RAPGEFL1: variants seen among roughly 807,000 people sequenced by gnomAD.
The protein encoded by RAPGEFL1 is Rap guanine nucleotide exchange factor like 1, also known as rap guanine nucleotide exchange factor-like 1.
A neutral mutation model predicts 64.4 loss-of-function variants in RAPGEFL1; 31 were observed. The observed-to-expected ratio is 0.48, with a 90% CI of 0.36 to 0.65. RAPGEFL1 has a LOEUF of 0.65. RAPGEFL1 is among the 30% of genes least tolerant of loss of function. The probability of loss-of-function intolerance (pLI) is 0.00; values close to 1 mark genes in which losing one functional copy is unlikely to be tolerated. For synonymous variants in RAPGEFL1, 331 were observed against 274.1 expected (o/e 1.21, Z -2.05); for missense variants, 682 against 677.4 (o/e 1.01, Z -0.08).
At position 40,191,682 on chromosome 17, in the gene RAPGEFL1, C is replaced by T. The variant is rs202062353; in HGVS notation, c.1605+10C>T. ...TCGACTCACCTGGGAGGTGATGAGA[C>T]CCCTCCCGTTCCTACCTGGGAATCT... On this transcript the variant is annotated intron_variant, in intron 10 of 14. Transcript: ENST00000620260. The surrounding 1 kb of genome is among the most constrained non-coding windows in gnomAD (Gnocchi z 5.1). 128 of 1,606,270 alleles carry T rather than the reference C, an allele frequency of 8.0e-5. No homozygotes were observed. Among genetic ancestry groups the T allele is most frequent in the Non-Finnish European group, 1.1e-4 (124 of 1,176,754 alleles).
At chr17:40,184,900 C>T (rs191074129) in intron 4 of RAPGEFL1, among the ~76,000 whole-genome samples, 9 of 152,260 alleles carry the variant, frequency 5.9e-5, no homozygotes, top group Admixed American at 3.9e-4. Flanking sequence ...ATGCCTCAGC[C>T]TCCTGAGTAG....
intron 1 of RAPGEFL1, among the ~76,000 whole-genome samples, chr17:40,178,643 C>T (rs893756338): frequency 6.6e-6 from 1 of 152,232 alleles, no homozygotes; most frequent in Non-Finnish European, 1.5e-5. Context: ...CCTTCCTTTC[C>T]CCTGGGCATT....
intron 14 of RAPGEFL1, 23 bp downstream of exon 14, chr17:40,193,440 G>A: frequency 1.9e-6 from 3 of 1,613,078 alleles, no homozygotes; most frequent in Non-Finnish European, 2.5e-6. Context: ...GGTACTGAGA[G>A]CAGTACAGAT....
At chr17:40,185,620 C>G (rs1226653998) in intron 4 of RAPGEFL1, among the ~76,000 whole-genome samples, 1 of 150,450 alleles carries the variant, frequency 6.6e-6, no homozygotes, top group Non-Finnish European at 1.5e-5. Context: ...CCTGTCTCTA[C>G]TAAAAATACA....
rs749198202 is a variant in RAPGEFL1, at chr17:40,190,772, G to A, written c.1335+10G>A. 5.6e-6 allele frequency: 9 copies of A among 1,613,830 alleles called. No homozygotes were observed. The South Asian group carries it at 7.7e-5, about 14-fold the overall frequency. ...CCGATGTGTGCATGAGGTGGGGACC[G>A]AGGCTGGTGCTATGCTGGGGGGCTG... On this transcript the variant is annotated intron_variant, in intron 8 of 14. Coordinates refer to ENST00000620260, the MANE Select transcript of RAPGEFL1 (RefSeq NM_016339.6).
Position 40,177,748 on chromosome 17 carries a change from C to T in RAPGEFL1, c.-114C>T, listed in dbSNP as rs1278442875. 2.5e-6 allele frequency: 1 copy of T among 407,388 alleles called. No individual in the cohort carries two copies. Among genetic ancestry groups the T allele is most frequent in the Non-Finnish European group, 4.3e-6 (1 of 233,414 alleles). The allele number at this position is 407,388 out of a possible 1,614,324, so 25.2% of individuals were successfully genotyped here. A position where few individuals can be genotyped will look rare whatever the true frequency, so the allele number is the denominator to read the frequency against. On this transcript the variant is annotated 5_prime_UTR_variant, in exon 1 of 15. It adds an upstream start codon to the 5' untranslated region. Coordinates refer to ENST00000620260, the MANE Select transcript of RAPGEFL1 (RefSeq NM_016339.6). ...CTGGCCCCCAGTCTGGCGCCTGGCA[C>T]GGCCCTCTACTCTGCTCCTCCAGCT...
rs1334000386 is a variant in RAPGEFL1, at chr17:40,178,130, G to A, written c.269G>A (p.Gly90Glu). Residue 90 changes from glycine to glutamate, a missense_variant, in exon 1 of 15, where the codon GGG (glycine) becomes GAG (glutamate). By Grantham distance (98) the Gly-to-Glu change is moderately conservative (BLOSUM62 -2). Coordinates refer to ENST00000620260, the MANE Select transcript of RAPGEFL1 (RefSeq NM_016339.6). ...PPEEEGGEPA[G>E]VAEEPGSGGP... is the part of the protein sequence containing the mutation. ...GAGGAGGAAGGAGGAGAGCCGGCGG[G>A]GGTCGCGGAGGAGCCGGGCAGCGGG... is the stretch of plus-strand genomic sequence containing the variant. 3 of 560,400 alleles carry A rather than the reference G, an allele frequency of 5.4e-6. No homozygotes were observed. The highest frequency in any genetic ancestry group is 9.4e-6 in the Non-Finnish European group (3 of 317,712). The allele number at this position is 560,400 out of a possible 1,614,324, so 34.7% of individuals were successfully genotyped here.
rs962249632 is a variant in RAPGEFL1 at position 40,191,023 on chromosome 17, A to C, written c.1335+261A>C. 3.3e-6 allele frequency: 2 copies of C among 600,036 alleles called. No individual in the cohort carries two copies. The highest frequency in any genetic ancestry group is 5.7e-6 in the Non-Finnish European group (2 of 349,988). 37.2% of individuals were successfully genotyped at this position (600,036 alleles called of 1,614,324 possible). On this transcript the variant is annotated intron_variant, in intron 8 of 14. Transcript: ENST00000620260. The surrounding 1 kb of genome is among the most constrained non-coding windows in gnomAD (Gnocchi z 5.1). ...TTTTTAAAATATTCACTATTAAAGA[A>C]ATAAAATAAGGCAGAGACAATAATG...
chr17:40,180,721 T>C lies in RAPGEFL1; in HGVS notation c.521-895T>C, dbSNP rs369730638. 2.6e-5 allele frequency among the ~76,000 whole-genome samples: 4 copies of C among 152,230 alleles called. No individual in the cohort carries two copies. In the East Asian group the frequency reaches 7.7e-4, roughly 29 times the overall value. ...ATGAAATCCTTGAAGTCAATTACTTTGTGTTGGTTTTCCTCCTCCGCCTGC... is the reference window on the plus strand; with the variant it reads ...ATGAAATCCTTGAAGTCAATTACTTCGTGTTGGTTTTCCTCCTCCGCCTGC... On this transcript the variant is annotated intron_variant, in intron 1 of 14. Coordinates refer to ENST00000620260, the MANE Select transcript of RAPGEFL1 (RefSeq NM_016339.6).
chr17:40,195,478 C>T lies in RAPGEFL1; in HGVS notation c.*1690C>T, dbSNP rs932887161. ...CCTCTGGGTCGGACACTGGGACCCACTGGCCCAGTCTTGGCTGCTGCTTAC... is the reference window on the plus strand; with the variant it reads ...CCTCTGGGTCGGACACTGGGACCCATTGGCCCAGTCTTGGCTGCTGCTTAC... On this transcript the variant is annotated 3_prime_UTR_variant, in exon 15 of 15. Transcript: ENST00000620260. The T allele has an allele frequency of 6.5e-6, 1 of 152,938 alleles. No homozygotes were observed. The highest frequency in any genetic ancestry group is 1.5e-5 in the Non-Finnish European group (1 of 68,182). 9.5% of individuals were successfully genotyped at this position (152,938 alleles called of 1,614,324 possible).
chr17:40,185,661 G>A (rs1764261053), intron 4 of RAPGEFL1, among the ~76,000 whole-genome samples: 2 of 151,710 alleles, frequency 1.3e-5, no homozygotes, highest in South Asian at 2.1e-4. Context: ...GGGCGCTCCT[G>A]TAGTCCCAGC....
chr17:40,185,753 C>T (rs1298771599), intron 4 of RAPGEFL1, among the ~76,000 whole-genome samples: 2 of 141,364 alleles, frequency 1.4e-5, no homozygotes, highest in African/African-American at 2.7e-5. Flanking sequence ...CACTGCACTC[C>T]AGCCTGGGCG....
intron 4 of RAPGEFL1, among the ~76,000 whole-genome samples, chr17:40,186,574 CAAAAAAAAAAAAAAAAAAA>C (rs146110920): frequency 6.5e-4 from 17 of 26,276 alleles, no homozygotes; most frequent in Admixed American, 2.5e-3. Context: ...GACTCCGTCT[CAAAAAAAAAAAAAAAAAAA>C]AAAAAAAAAA....
At chr17:40,188,672 G>A (rs1358004765) in intron 4 of RAPGEFL1, 194 bp from the exon 5 acceptor site, 7 of 587,664 alleles carry the variant, frequency 1.2e-5, no homozygotes, top group African/African-American at 1.9e-5. Flanking sequence ...GGAAGAGGTG[G>A]CATTTGATTA....
Position 40,187,471 on chromosome 17 carries a change from A to G in RAPGEFL1, c.834-1395A>G, listed in dbSNP as rs1357366657. 3.3e-5 allele frequency among the ~76,000 whole-genome samples: 5 copies of G among 152,026 alleles called. No homozygotes were observed. In the East Asian group the frequency reaches 9.7e-4, roughly 29 times the overall value. ...AGAAAGTGAAACATCCCAGCATTCA[A>G]TACCCTTCCCTTTCTGCCTTCTGCT... On this transcript the variant is annotated intron_variant, in intron 4 of 14. Transcript: ENST00000620260.
At chr17:40,177,345 G>A, upstream of RAPGEFL1, 1 of 693,962 alleles carries the variant, frequency 1.4e-6, no homozygotes, top group Non-Finnish European at 2.6e-6. Flanking sequence ...GTCCCTTACT[G>A]TTTCCCTCGC....
intron 11 of RAPGEFL1, 37 bp from the exon 12 acceptor site, chr17:40,192,569 C>T (rs1415133659): frequency 6.5e-7 from 1 of 1,544,610 alleles, no homozygotes; most frequent in East Asian, 2.2e-5. Context: ...ATGCATTGGC[C>T]AGTCTGTCCC....
intron 13 of RAPGEFL1, 57 bp downstream of exon 13, chr17:40,193,047 C>T (rs1199778197): frequency 2.0e-6 from 3 of 1,473,336 alleles, no homozygotes; most frequent in East Asian, 4.5e-5. Context: ...TGCATCCTCT[C>T]CCTCTCTCAT....
Position 40,194,277 on chromosome 17 carries a change from GTGTGTGTGTGTGTCT to G in RAPGEFL1, c.*491_*505del, listed in dbSNP as rs1267110352. Reference sequence around the variant, plus strand: ...TGTGTGTGTGTGTGTGTGTGTGTGTGTGTGTGTGTGTGTCTTCTTTTAGGGAGCAGGAGTGCATCT... The same window carrying G: ...TGTGTGTGTGTGTGTGTGTGTGTGTGTCTTTTAGGGAGCAGGAGTGCATCT... On this transcript the variant is annotated 3_prime_UTR_variant, in exon 15 of 15. Coordinates refer to ENST00000620260, the MANE Select transcript of RAPGEFL1 (RefSeq NM_016339.6). 4 of 152,132 alleles carry G rather than the reference GTGTGTGTGTGTGTCT, an allele frequency of 2.6e-5. No individual in the cohort carries two copies. Among genetic ancestry groups the G allele is most frequent in the African/African-American group, 1.2e-4 (4 of 34,732 alleles). 9.4% of individuals were successfully genotyped at this position (152,132 alleles called of 1,614,324 possible). A position where few individuals can be genotyped will look rare whatever the true frequency, so the allele number is the denominator to read the frequency against.
Sources: allele counts gnomAD v4.1 joint callset (sites outside exome capture counted in the v4.1 genomes callset), GRCh38; gene constraint gnomAD v4.1.1; non-coding constraint Gnocchi (gnomAD v3.1); transcripts MANE v1.5; gene names NCBI Gene and HGNC (gene_info 2026-07-23, HGNC 2026-07-21).